Variants in SCD5 observed in about 807,000 individuals in gnomAD.
The protein encoded by SCD5 is stearoyl-CoA desaturase 5.
Under a neutral mutation model 30.4 loss-of-function variants are expected in SCD5, and 20 were observed. The ratio of observed to expected loss-of-function variants is 0.66; its 90% CI spans 0.46 to 0.96. SCD5 has a LOEUF of 0.96. SCD5 is among the 40% of genes least tolerant of loss of function. SCD5 has a pLI of 0.00. For synonymous variants in SCD5, 173 were observed against 176.4 expected (o/e 0.98, Z 0.16); for missense variants, 381 against 443.3 (o/e 0.86, Z 1.26).
chr4:82,639,921 G>A (rs1331392029), intron 3 of SCD5, among the ~76,000 whole-genome samples: 2 of 152,310 alleles, frequency 1.3e-5, no homozygotes, highest in East Asian at 3.9e-4. Flanking sequence ...GAAAGAAGAG[G>A]GAGAGAAACA....
intron 3 of SCD5, among the ~76,000 whole-genome samples, chr4:82,669,558 C>T (rs76737060): frequency 0.014 from 2,177 of 152,266 alleles, 29 homozygotes; most frequent in Non-Finnish European, 0.025. Context: ...AAAACCTGAC[C>T]TTAATTGATG....
At position 82,636,626 on chromosome 4, in the gene SCD5, G is replaced by A. The variant is rs1156304580; in HGVS notation, c.767C>T (p.Pro256Leu). ...GNRPYDKHIS[P>L]RQNPLVALGA... Reference sequence around the variant, plus strand: ...CAGAGCGACGAGTGGGTTCTGCCGAGGGCTGATGTGCTTGTCATAGGGCCG... The same window carrying A: ...CAGAGCGACGAGTGGGTTCTGCCGAAGGCTGATGTGCTTGTCATAGGGCCG... Residue 256 changes from proline (P) to leucine (L), a missense_variant, in exon 4 of 5, where the codon CCT (proline) becomes CTT (leucine). Coordinates refer to ENST00000319540, the MANE Select transcript of SCD5 (RefSeq NM_001037582.3). 1.2e-6 allele frequency: 2 copies of A among 1,614,188 alleles called. No individual in the cohort carries two copies. Among genetic ancestry groups the A allele is most frequent in the Admixed American group, 1.7e-5 (1 of 60,024 alleles).
intron 4 of SCD5, among the ~76,000 whole-genome samples, chr4:82,632,759 G>A (rs987589012): frequency 1.7e-5 from 2 of 114,690 alleles, no homozygotes; most frequent in African/African-American, 5.5e-5. Flanking sequence ...TCTCATTGTG[G>A]TTTTGATTTG....
At chr4:82,768,971 C>T (rs894177312) in intron 1 of SCD5, among the ~76,000 whole-genome samples, 2 of 151,666 alleles carry the variant, frequency 1.3e-5, no homozygotes, top group Non-Finnish European at 2.9e-5. Flanking sequence ...TAGTAAGGCC[C>T]CCTTTTCACA....
intron 3 of SCD5, among the ~76,000 whole-genome samples, chr4:82,669,891 T>C (rs553731439): frequency 1.3e-5 from 2 of 152,238 alleles, no homozygotes; most frequent in African/African-American, 4.8e-5. Flanking sequence ...CTCCAGCCCA[T>C]TCTAGCCATC....
At chr4:82,702,128 A>ATTTT (rs1162863297) in intron 2 of SCD5, among the ~76,000 whole-genome samples, 1 of 84,802 alleles carries the variant, frequency 1.2e-5, no homozygotes, top group African/African-American at 4.4e-5. Flanking sequence ...CCCCATCATC[A>ATTTT]TCTTTTTTTT....
At chr4:82,690,604 C>G (rs558873945) in intron 2 of SCD5, among the ~76,000 whole-genome samples, 2 of 152,178 alleles carry the variant, frequency 1.3e-5, no homozygotes, top group African/African-American at 4.8e-5. Context: ...ACAATACATT[C>G]GGCATACTGT....
At chr4:82,670,539 G>C (rs1365295108) in intron 3 of SCD5, among the ~76,000 whole-genome samples, 1 of 151,814 alleles carries the variant, frequency 6.6e-6, no homozygotes, top group East Asian at 1.9e-4. Flanking sequence ...ATAGAAAAAA[G>C]AAAAATTGCA....
At chr4:82,797,013 G>A (rs1722239680) in intron 1 of SCD5, among the ~76,000 whole-genome samples, 1 of 152,072 alleles carries the variant, frequency 6.6e-6, no homozygotes, top group Admixed American at 6.5e-5. Flanking sequence ...CTCACCATCC[G>A]TCAACTCTGC....
At chr4:82,632,981 T>C (rs1727353051) in intron 4 of SCD5, among the ~76,000 whole-genome samples, 1 of 152,214 alleles carries the variant, frequency 6.6e-6, no homozygotes, top group Non-Finnish European at 1.5e-5. Context: ...CACACTTATG[T>C]TTTTGTGGTA....
chr4:82,700,248 A>G, intron 2 of SCD5, among the ~76,000 whole-genome samples: 1 of 151,992 alleles, frequency 6.6e-6, no homozygotes, highest in African/African-American at 2.4e-5. Flanking sequence ...GAAAATATTT[A>G]AGTAATAATG....
intron 2 of SCD5, among the ~76,000 whole-genome samples, chr4:82,702,130 CTTTTTTTTTTTTT>C (rs10701664): frequency 1.6e-5 from 1 of 64,072 alleles, no homozygotes; most frequent in Non-Finnish European, 2.8e-5. Context: ...CCATCATCAT[CTTTTTTTTTTTTT>C]TTTTTTTTTT....
intron 1 of SCD5, among the ~76,000 whole-genome samples, chr4:82,712,275 T>TACACATAC (rs1353739181): frequency 2.0e-5 from 1 of 50,614 alleles, no homozygotes; most frequent in Non-Finnish European, 3.4e-5. Flanking sequence ...TATATATATA[T>TACACATAC]ATATATATAT....
At chr4:82,641,120 T>C (rs1324993371) in intron 3 of SCD5, among the ~76,000 whole-genome samples, 1 of 152,008 alleles carries the variant, frequency 6.6e-6, no homozygotes, top group African/African-American at 2.4e-5. Context: ...CCGGGCGTGG[T>C]GGCTCATGCC....
At chr4:82,714,507 G>A (rs1720181947) in intron 1 of SCD5, among the ~76,000 whole-genome samples, 2 of 152,274 alleles carry the variant, frequency 1.3e-5, no homozygotes, top group South Asian at 4.1e-4. Context: ...ATGAGCTCAT[G>A]AAGGAGGGAC....
chr4:82,787,776 C>T (rs896571653), intron 1 of SCD5, among the ~76,000 whole-genome samples: 2 of 152,126 alleles, frequency 1.3e-5, no homozygotes, highest in African/African-American at 4.8e-5. Flanking sequence ...TGCCTGTAAG[C>T]CCAACACTTT....
intron 1 of SCD5, among the ~76,000 whole-genome samples, chr4:82,738,081 C>T (rs950163639): frequency 2.0e-5 from 3 of 152,020 alleles, no homozygotes; most frequent in Non-Finnish European, 2.9e-5. Context: ...GTAAGCATCA[C>T]ACAAAATACT....
chr4:82,668,977 G>T (rs1031451281), intron 3 of SCD5, among the ~76,000 whole-genome samples: 2 of 152,148 alleles, frequency 1.3e-5, no homozygotes, highest in African/African-American at 2.4e-5. Context: ...TAACATCTAG[G>T]GAGGAATTGT....
Position 82,732,287 on chromosome 4 carries a change from A to G in SCD5, c.233-26874T>C, listed in dbSNP as rs532075247. Among the ~76,000 whole-genome samples the G allele has an allele frequency of 2.8e-3, 423 of 152,104 alleles. 4 individuals carry two copies. The highest frequency in any genetic ancestry group is 9.9e-3 in the African/African-American group (409 of 41,496). On this transcript the variant is annotated intron_variant, in intron 1 of 4. Coordinates refer to ENST00000319540, the MANE Select transcript of SCD5 (RefSeq NM_001037582.3). ...TTTGTATGTTTTTAGACAGGGTTTCACCAAGTAGGCCAAACCTGTCTCGAA... is the reference window on the plus strand; with the variant it reads ...TTTGTATGTTTTTAGACAGGGTTTCGCCAAGTAGGCCAAACCTGTCTCGAA...
Sources: gnomAD v4.1 joint callset for allele counts (sites outside exome capture counted in the v4.1 genomes callset) on GRCh38, gnomAD v4.1.1 for gene constraint, MANE v1.5 for transcripts, NCBI Gene and HGNC (gene_info 2026-07-23, HGNC 2026-07-21) for gene names.